The following SPTAN1 variants were observed in gnomAD, a reference collection of about 807,000 sequenced individuals.
The protein encoded by SPTAN1 is spectrin alpha, non-erythrocytic 1.
Under a neutral mutation model 331.3 loss-of-function variants are expected in SPTAN1, and 61 were observed. That is an observed-to-expected ratio of 0.18 (90% CI 0.15 to 0.23). The LOEUF (loss-of-function observed/expected upper bound fraction) is 0.23. Among genes scored for constraint, SPTAN1 ranks in the 10% least tolerant of loss-of-function variants. SPTAN1 has a pLI of 1.00. For synonymous variants in SPTAN1, 1,153 were observed against 1,173.9 expected, an observed-to-expected ratio of 0.98 and a Z score of 0.36; for missense variants, 2,043 against 3,147.9, an observed-to-expected ratio of 0.65 and a Z score of 8.40.
intron 1 of SPTAN1, among the ~76,000 whole-genome samples, chr9:128,557,320 A>G (rs780037227): frequency 6.6e-6 from 1 of 151,540 alleles, no homozygotes; most frequent in Non-Finnish European, 1.5e-5. Flanking sequence ...TTTAATAGAG[A>G]CTCCTTTCAG....
intron 23 of SPTAN1, 113 bp downstream of exon 23, chr9:128,593,155 A>G (rs375905397): frequency 1.7e-6 from 2 of 1,175,774 alleles, no homozygotes. Context: ...AGGTGGTGGG[A>G]GGAACTGCCT....
intron 21 of SPTAN1, among the ~76,000 whole-genome samples, chr9:128,589,640 A>C (rs1174617290): frequency 7.4e-6 from 1 of 135,508 alleles, no homozygotes; most frequent in East Asian, 2.2e-4. Context: ...CAGTGGCATG[A>C]TCTCAGCTCA....
chr9:128,583,038 A>G, intron 14 of SPTAN1, 39 bp from the exon 15 acceptor site: 1 of 1,607,858 alleles, frequency 6.2e-7, no homozygotes, highest in Non-Finnish European at 8.5e-7. Context: ...TGACGTTCTC[A>G]GGTTCAAGAT....
rs756893011 is a variant in SPTAN1 at position 128,591,531 on chromosome 9, G to C, written c.3061G>C (p.Val1021Leu). 2 of 1,614,052 alleles carry C rather than the reference G, an allele frequency of 1.2e-6. No individual in the cohort carries two copies. Among genetic ancestry groups the C allele is most frequent in the African/African-American group, 2.7e-5 (2 of 74,928 alleles). ...TCAGGGTTTTGTGCCGGCTGCGTAC[G>C]TGAAGAAATTGGACCCCGCCCAGTC... ...DRQGFVPAAY[V>L]KKLDPAQSAS... The change falls in exon 22 of 57, where the codon GTG becomes CTG. Residue 1021 changes from valine to leucine, a missense_variant. By Grantham distance (32) the Val-to-Leu change is conservative (BLOSUM62 1). This residue lies in a region of SPTAN1 where 1,038 missense variants were observed against 1,531.5 expected (regional missense o/e 0.68). Transcript: ENST00000372739.
rs570342041 is a variant in SPTAN1, at chr9:128,586,013, G to T, written c.2778+48G>T. The T allele has an allele frequency of 2.3e-4, 367 of 1,566,498 alleles. 3 individuals carry two copies. The South Asian group carries it at 3.7e-3, about 16-fold the overall frequency. ...TCACCTGCCAGGGAAGTGGAACAGG[G>T]CTTGTACTGAGAAGGAAGTTAGGAG... On this transcript the variant is annotated intron_variant, in intron 19 of 56. Transcript: ENST00000372739.
At position 128,574,694 on chromosome 9, in the gene SPTAN1, A is replaced by G; in HGVS notation, c.383A>G (p.His128Arg). Residue 128 changes from histidine (H) to arginine (R), a missense_variant, in exon 4 of 57, where the codon CAC (histidine) becomes CGC (arginine). Physicochemically the swap from His to Arg is conservative, Grantham distance 29 (BLOSUM62 0). Around this residue, in one of 12 missense-constraint regions of SPTAN1, gnomAD observed 1,038 missense variants for 1,531.5 expected, o/e 0.68. Transcript: ENST00000372739. ...ETIRTRLMELHRQWELLLEKM... is the reference protein window; with the variant it reads ...ETIRTRLMELRRQWELLLEKM... Reference sequence around the variant, plus strand: ...TTTCAGACCCGTTTGATGGAGCTGCACCGCCAGTGGGAATTACTTTTGGAG... The same window carrying G: ...TTTCAGACCCGTTTGATGGAGCTGCGCCGCCAGTGGGAATTACTTTTGGAG... 6.2e-7 allele frequency: 1 copy of G among 1,614,190 alleles called. No homozygotes were observed. The highest frequency in any genetic ancestry group is 8.5e-7 in the Non-Finnish European group (1 of 1,180,020).
Position 128,624,316 on chromosome 9 carries a change from T to A in SPTAN1, c.5833-12T>A. 6.2e-7 allele frequency: 1 copy of A among 1,613,756 alleles called. No individual in the cohort carries two copies. The highest frequency in any genetic ancestry group is 1.1e-5 in the South Asian group (1 of 91,058). The stretch of plus-strand genomic sequence containing the variant: ...TAAGGCTGACCAGTGTGTGCCTCTC[T>A]CCATGGCCTAGAACAATCACCATGA... On this transcript the variant is annotated splice_polypyrimidine_tract_variant and intron_variant, in intron 45 of 56. Coordinates refer to ENST00000372739, the MANE Select transcript of SPTAN1 (RefSeq NM_001130438.3).
At chr9:128,613,566 G>A (rs1192997693) in intron 40 of SPTAN1, 81 bp downstream of exon 40, 3 of 1,178,094 alleles carry the variant, frequency 2.5e-6, no homozygotes, top group Non-Finnish European at 3.8e-6. Flanking sequence ...GCGTGTTTGA[G>A]AAAAGAGAGT....
At chr9:128,574,033 A>G (rs888199573) in intron 3 of SPTAN1, among the ~76,000 whole-genome samples, 2 of 152,190 alleles carry the variant, frequency 1.3e-5, no homozygotes, top group South Asian at 2.1e-4. Flanking sequence ...AATTACAGGC[A>G]TGAGCCGCTG....
Position 128,627,089 on chromosome 9 carries a change from AG to A in SPTAN1, c.6577-295del. Reference sequence around the variant, plus strand: ...AGGCCTCCCAAAGTGCTGGGATTACAGGTGTGAGCCACTGTACCCAGCCAGA... The same window carrying A: ...AGGCCTCCCAAAGTGCTGGGATTACAGTGTGAGCCACTGTACCCAGCCAGA... On this transcript the variant is annotated intron_variant, in intron 49 of 56. Coordinates refer to ENST00000372739, the MANE Select transcript of SPTAN1 (RefSeq NM_001130438.3). The surrounding 1 kb of genome is among the most constrained non-coding windows in gnomAD (Gnocchi z 4.9). 1 of 565,710 alleles carries A rather than the reference AG, an allele frequency of 1.8e-6. No individual in the cohort carries two copies. The highest frequency in any genetic ancestry group is 1.5e-5 in the South Asian group (1 of 65,442). 35.0% of individuals were successfully genotyped at this position (565,710 alleles called of 1,614,324 possible).
rs748252362 is a variant in SPTAN1, at chr9:128,613,345, C to T, written c.5044-36C>T. ...TTTCCAGAATGCTGAGTATACACCA[C>T]ACAGTAGCCTTTGCTTTTTGTGTTT... is the stretch of plus-strand genomic sequence containing the variant. On this transcript the variant is annotated intron_variant, in intron 39 of 56. Coordinates refer to ENST00000372739, the MANE Select transcript of SPTAN1 (RefSeq NM_001130438.3). 4 of 1,578,828 alleles carry T rather than the reference C, an allele frequency of 2.5e-6. No individual in the cohort carries two copies. The African/African-American group carries it at 5.4e-5, about 21-fold the overall frequency.
chr9:128,556,054 T>C (rs940469650), intron 1 of SPTAN1, among the ~76,000 whole-genome samples: 2 of 152,086 alleles, frequency 1.3e-5, no homozygotes, highest in African/African-American at 4.8e-5. Context: ...ACCCCATCTC[T>C]ACTAAAAATA....
intron 40 of SPTAN1, among the ~76,000 whole-genome samples, chr9:128,615,202 G>A (rs1158199124): frequency 6.6e-6 from 1 of 152,176 alleles, no homozygotes; most frequent in Non-Finnish European, 1.5e-5. Context: ...TACCAAGTCT[G>A]AATGAGCATA....
chr9:128,564,635 T>C (rs1234782456), intron 1 of SPTAN1, among the ~76,000 whole-genome samples: 2 of 152,126 alleles, frequency 1.3e-5, no homozygotes, highest in Non-Finnish European at 2.9e-5. Flanking sequence ...CTCGGTGTAA[T>C]CATACCTTAG....
At position 128,632,557 on chromosome 9, in the gene SPTAN1, G is replaced by C. The variant is rs201100247; in HGVS notation, c.7014-15G>C. 3.7e-6 allele frequency: 6 copies of C among 1,613,988 alleles called. No individual in the cohort carries two copies. In the African/African-American group the frequency reaches 5.3e-5, roughly 14 times the overall value. ...CAGGGCTGCCTGCTGAGCCGCCCTC[G>C]GCTTTGTGCTGCAGACACTTTGACA... is the stretch of plus-strand genomic sequence containing the variant. On this transcript the variant is annotated splice_polypyrimidine_tract_variant and intron_variant, in intron 54 of 56. Transcript: ENST00000372739.
At chr9:128,621,124 T>G in intron 44 of SPTAN1, 34 bp from the exon 45 acceptor site, 1 of 1,591,320 alleles carries the variant, frequency 6.3e-7, no homozygotes, top group South Asian at 1.1e-5. Flanking sequence ...CATAGCAGGC[T>G]CTCAATAGTG....
chr9:128,585,835 G>A lies in SPTAN1; in HGVS notation c.2648G>A (p.Arg883Gln), dbSNP rs375111710. The A allele has an allele frequency of 8.1e-6, 13 of 1,614,024 alleles. No individual in the cohort carries two copies. In the East Asian group the frequency reaches 2.2e-4, roughly 28 times the overall value. ...CTGAAAGCCAAAGCTTCCCAGCGTC[G>A]GCAGGACCTGGAGGACTCTCTGCAG... ...EALKAKASQRRQDLEDSLQAQ... is the reference protein window; with the variant it reads ...EALKAKASQRQQDLEDSLQAQ... The change falls in exon 19 of 57, where the codon CGG (arginine) becomes CAG (glutamine). Residue 883 changes from arginine to glutamine, a missense_variant. Arg to Gln is a conservative substitution (Grantham distance 43). Transcript: ENST00000372739.
Position 128,617,995 on chromosome 9 carries a change from G to A in SPTAN1, c.5487G>A (p.Leu1829=), listed in dbSNP as rs1277272434. Residue 1829 remains leucine (L), a synonymous_variant, in exon 43 of 57, where the codon CTG becomes CTA. Coordinates refer to ENST00000372739, the MANE Select transcript of SPTAN1 (RefSeq NM_001130438.3). ...AAHEPAIQGV[L]DTGKKLSDDN... ...TCGTCCTTGCCTGTCAGGGTGTCCT[G>A]GACACTGGCAAGAAGCTGTCCGATG... The A allele has an allele frequency of 1.2e-6, 2 of 1,614,132 alleles. No individual in the cohort carries two copies. The highest frequency in any genetic ancestry group is 1.7e-6 in the Non-Finnish European group (2 of 1,180,016).
At chr9:128,554,128 A>G (rs1342618903) in intron 1 of SPTAN1, among the ~76,000 whole-genome samples, 1 of 152,202 alleles carries the variant, frequency 6.6e-6, no homozygotes, top group Non-Finnish European at 1.5e-5. Context: ...CTGTGCAGGA[A>G]ATTAACAATA....
Sources: gnomAD v4.1 joint callset for allele counts (sites outside exome capture counted in the v4.1 genomes callset) on GRCh38, gnomAD v4.1.1 for gene constraint, gnomAD v4.1.1 regional missense constraint, Gnocchi (gnomAD v3.1) non-coding constraint, MANE v1.5 for transcripts, NCBI Gene and HGNC (gene_info 2026-07-23, HGNC 2026-07-21) for gene names.